Variants in OR1F1 observed in about 807,000 individuals in gnomAD.
OR1F1 encodes the protein olfactory receptor family 1 subfamily F member 1.
For synonymous variants in OR1F1, 184 were observed against 156.7 expected (o/e 1.17, Z -1.30); for missense variants, 493 against 376.3 (o/e 1.31, Z -2.57).
At chr16:3,191,966 A>G in the OR1F1 span, among the ~76,000 whole-genome samples, 1 of 152,190 alleles carries the variant, frequency 6.6e-6, no homozygotes, top group Admixed American at 6.5e-5. Flanking sequence ...TGCCACAAAG[A>G]AAAGTAAAGG....
At chr16:3,195,486 C>G in the OR1F1 span, among the ~76,000 whole-genome samples, 2 of 151,984 alleles carry the variant, frequency 1.3e-5, no homozygotes, top group African/African-American at 4.8e-5. Context: ...TCGAGACCAG[C>G]CTGGCTAACA....
chr16:3,204,415 A>G (rs1958175293), exon 1 of OR1F1: 1 of 1,612,904 alleles, frequency 6.2e-7, no homozygotes, highest in East Asian at 2.2e-5. Flanking sequence ...CTGCCTGCAC[A>G]CCCCCATGTA....
At chr16:3,191,534 C>CT in the OR1F1 span, among the ~76,000 whole-genome samples, 1 of 152,162 alleles carries the variant, frequency 6.6e-6, no homozygotes, top group Non-Finnish European at 1.5e-5. Context: ...GCATGGGACT[C>CT]TTAATCTCAG....
chr16:3,202,214 G>A (rs1958142682), upstream of OR1F1, among the ~76,000 whole-genome samples: 3 of 152,224 alleles, frequency 2.0e-5, no homozygotes, highest in South Asian at 6.2e-4. Flanking sequence ...CTGGAAGGAT[G>A]TGAATTTGGA....
the OR1F1 span, among the ~76,000 whole-genome samples, chr16:3,190,078 A>G: frequency 1.6e-4 from 24 of 151,828 alleles, no homozygotes; most frequent in Non-Finnish European, 3.1e-4. Flanking sequence ...CCAGCCTGGG[A>G]CTCCCACCCA....
chr16:3,198,843 C>G, the OR1F1 span, among the ~76,000 whole-genome samples: 4 of 151,788 alleles, frequency 2.6e-5, no homozygotes, highest in African/African-American at 9.7e-5. Context: ...CAAAAATTAG[C>G]TGGGCTTGGA....
At chr16:3,189,125 G>T in the OR1F1 span, among the ~76,000 whole-genome samples, 2 of 152,244 alleles carry the variant, frequency 1.3e-5, no homozygotes, top group Non-Finnish European at 2.9e-5. Flanking sequence ...GGAGAAGGGA[G>T]GACCGGAGCC....
rs144582974 is a variant in OR1F1 at position 3,204,267 on chromosome 16, G to A, written c.21G>A (p.Ser7=). Reference sequence around the variant, plus strand: ...GGCCCATGAGCGGGACAAACCAGTCGAGTGTCTCCGAGTTCCTCCTCCTGG... The same window carrying A: ...GGCCCATGAGCGGGACAAACCAGTCAAGTGTCTCCGAGTTCCTCCTCCTGG... Residue 7 remains serine, a synonymous_variant, in exon 1 of 1, where the codon TCG becomes TCA. Coordinates refer to ENST00000304646, the Ensembl canonical transcript of OR1F1. The A allele has an allele frequency of 6.5e-5, 105 of 1,609,292 alleles. 2 individuals are homozygous for A. The Admixed American group carries it at 8.4e-4, about 13-fold the overall frequency.
chr16:3,192,078 A>G, the OR1F1 span, among the ~76,000 whole-genome samples: 1 of 151,970 alleles, frequency 6.6e-6, no homozygotes, highest in African/African-American at 2.4e-5. Flanking sequence ...TATTTTTGAG[A>G]CAGAGTCTCG....
chr16:3,189,399 G>A, the OR1F1 span, among the ~76,000 whole-genome samples: 1 of 152,228 alleles, frequency 6.6e-6, no homozygotes, highest in African/African-American at 2.4e-5. Flanking sequence ...GGCGGTGGCG[G>A]GCGAGGACCC....
chr16:3,204,325 C>CACAAAGAGG, exon 1 of OR1F1: 1 of 1,614,132 alleles, frequency 6.2e-7, no homozygotes, highest in East Asian at 2.2e-5. Flanking sequence ...GCAGCATCTC[C>CACAAAGAGG]TCTTTGTGTT....
At chr16:3,194,670 G>GA in the OR1F1 span, among the ~76,000 whole-genome samples, 1 of 152,146 alleles carries the variant, frequency 6.6e-6, no homozygotes, top group Non-Finnish European at 1.5e-5. Context: ...TAGTAAAATG[G>GA]AAAAATATGC....
chr16:3,192,744 G>T, the OR1F1 span, among the ~76,000 whole-genome samples: 2 of 152,032 alleles, frequency 1.3e-5, no homozygotes, highest in Non-Finnish European at 2.9e-5. Context: ...GGCCGCCTCC[G>T]TGTCCCGGAC....
chr16:3,199,049 C>T, the OR1F1 span, among the ~76,000 whole-genome samples: 1 of 137,268 alleles, frequency 7.3e-6, no homozygotes, highest in African/African-American at 2.7e-5. Context: ...GAGGCCAGGG[C>T]AGGAGGATCA....
At chr16:3,192,855 C>T in the OR1F1 span, among the ~76,000 whole-genome samples, 1 of 152,058 alleles carries the variant, frequency 6.6e-6, no homozygotes, top group Non-Finnish European at 1.5e-5. Flanking sequence ...TTTGGCGGTC[C>T]GGTGGGGTGT....
chr16:3,199,773 T>C (rs1357354816), upstream of OR1F1, among the ~76,000 whole-genome samples: 1 of 152,092 alleles, frequency 6.6e-6, no homozygotes, highest in Non-Finnish European at 1.5e-5. Flanking sequence ...CTCAGCACTT[T>C]GAGAGGCCAA....
chr16:3,204,120 C>A, upstream of OR1F1: 1 of 682,400 alleles, frequency 1.5e-6, no homozygotes, highest in South Asian at 1.9e-5. Flanking sequence ...GCAGGGTTGA[C>A]AATATTATCA....
At chr16:3,203,968 C>A (rs1449406289), upstream of OR1F1, among the ~76,000 whole-genome samples, 1 of 152,166 alleles carries the variant, frequency 6.6e-6, no homozygotes, top group East Asian at 1.9e-4. Context: ...GGAACACAAA[C>A]TGACTGAGTT....
At chr16:3,189,475 C>G in the OR1F1 span, among the ~76,000 whole-genome samples, 1 of 152,154 alleles carries the variant, frequency 6.6e-6, no homozygotes, top group African/African-American at 2.4e-5. Context: ...GAGGAGGGGC[C>G]GGGGCTCTGG....
Sources: allele counts gnomAD v4.1 joint callset (sites outside exome capture counted in the v4.1 genomes callset), GRCh38; gene constraint gnomAD v4.1.1; transcripts MANE v1.5; gene names NCBI Gene and HGNC (gene_info 2026-07-23, HGNC 2026-07-21).